Variants in NRXN3 observed in about 807,000 individuals in gnomAD.
NRXN3 encodes the protein neurexin III.
Under a neutral mutation model 137.6 loss-of-function variants are expected in NRXN3, and 32 were observed. The ratio of observed to expected loss-of-function variants is 0.23; its 90% CI spans 0.18 to 0.31. NRXN3 has a LOEUF of 0.31. Ranked by LOEUF, NRXN3 falls within the 10% of genes least tolerant of loss-of-function variation. The pLI is 1.00. For missense variants in NRXN3, 1,574 were observed against 2,062.5 expected (o/e 0.76, Z 4.59); for synonymous variants, 798 against 784.5 (o/e 1.02, Z -0.29).
At chr14:79,790,829 C>A (rs1603503291) in intron 19 of NRXN3, among the ~76,000 whole-genome samples, 1 of 152,082 alleles carries the variant, frequency 6.6e-6, no homozygotes, top group East Asian at 1.9e-4. Flanking sequence ...CCATCTTGGC[C>A]AGGTGGGTCT....
intron 17 of NRXN3, among the ~76,000 whole-genome samples, chr14:79,666,203 A>G (rs2098556491): frequency 6.6e-6 from 1 of 151,992 alleles, no homozygotes. Flanking sequence ...TTTCTTCCCA[A>G]ATTCTCATTT....
chr14:78,205,969 G>T (rs2062146282), intron 1 of NRXN3, among the ~76,000 whole-genome samples: 1 of 152,182 alleles, frequency 6.6e-6, no homozygotes, highest in Non-Finnish European at 1.5e-5. Context: ...AAAGGGGTAG[G>T]CAGGCAGAAG....
intron 16 of NRXN3, among the ~76,000 whole-genome samples, chr14:79,579,892 C>T: frequency 6.6e-6 from 1 of 152,164 alleles, no homozygotes; most frequent in East Asian, 1.9e-4. Context: ...AAACCTTCTT[C>T]TAACTGTATG....
intron 4 of NRXN3, among the ~76,000 whole-genome samples, chr14:78,607,569 C>T (rs1019142387): frequency 1.3e-5 from 2 of 152,152 alleles, no homozygotes; most frequent in Non-Finnish European, 2.9e-5. Flanking sequence ...TTGCCTGGTG[C>T]TGTGCTAGAG....
At chr14:79,384,434 C>A (rs1233081364) in intron 15 of NRXN3, among the ~76,000 whole-genome samples, 1 of 152,106 alleles carries the variant, frequency 6.6e-6, no homozygotes, top group East Asian at 1.9e-4. Flanking sequence ...GAAATCCACT[C>A]TTTCTAAATG....
At chr14:78,420,005 G>A (rs2093369564) in intron 4 of NRXN3, among the ~76,000 whole-genome samples, 1 of 149,400 alleles carries the variant, frequency 6.7e-6, no homozygotes, top group African/African-American at 2.5e-5. Flanking sequence ...CTGACTACCA[G>A]TGATAATAAT....
At chr14:79,306,066 A>C (rs768713621) in intron 15 of NRXN3, among the ~76,000 whole-genome samples, 1 of 152,124 alleles carries the variant, frequency 6.6e-6, no homozygotes, top group Non-Finnish European at 1.5e-5. Context: ...CATCATTGAA[A>C]TGAGCATGTG....
chr14:79,192,706 C>T lies in NRXN3; in HGVS notation c.3262+204565C>T, dbSNP rs189869456. Reference sequence around the variant, plus strand: ...CTGTGTGCAAAGTTTGTCACTGGGACGAATAAGGTTGACACTCTCAGAGAA... The same window carrying T: ...CTGTGTGCAAAGTTTGTCACTGGGATGAATAAGGTTGACACTCTCAGAGAA... On this transcript the variant is annotated intron_variant, in intron 15 of 20. Transcript: ENST00000335750. Among the ~76,000 whole-genome samples the T allele has an allele frequency of 2.6e-4, 39 of 150,760 alleles. 1 individual carries two copies. The highest frequency in any genetic ancestry group is 3.5e-3 in the Middle Eastern group (1 of 288).
chr14:78,300,775 A>T, intron 4 of NRXN3: 1 of 891,010 alleles, frequency 1.1e-6, no homozygotes, highest in South Asian at 1.5e-5. Context: ...GTCGATTCTG[A>T]ATACAGTCCA....
chr14:79,174,909 G>A (rs2062154581), intron 15 of NRXN3, among the ~76,000 whole-genome samples: 1 of 151,874 alleles, frequency 6.6e-6, no homozygotes, highest in Admixed American at 6.6e-5. Flanking sequence ...GGGGAATATG[G>A]AATGGGGAAA....
At chr14:78,920,302 G>A (rs187587667) in intron 10 of NRXN3, among the ~76,000 whole-genome samples, 32 of 152,276 alleles carry the variant, frequency 2.1e-4, no homozygotes, top group South Asian at 6.2e-4. Flanking sequence ...CACCTTGATC[G>A]AAGCAAGTCA....
At chr14:79,389,728 G>A (rs1011996133) in intron 15 of NRXN3, among the ~76,000 whole-genome samples, 2 of 152,128 alleles carry the variant, frequency 1.3e-5, no homozygotes, top group African/African-American at 4.8e-5. Context: ...ATATGAGAAG[G>A]TTCAAGGACT....
At chr14:78,369,527 G>A (rs1299425966) in intron 4 of NRXN3, among the ~76,000 whole-genome samples, 1 of 152,090 alleles carries the variant, frequency 6.6e-6, no homozygotes, top group Non-Finnish European at 1.5e-5. Context: ...AACTTATTCT[G>A]TGTGTTCCTT....
chr14:79,610,997 G>A (rs534819617), intron 16 of NRXN3, among the ~76,000 whole-genome samples: 1 of 152,098 alleles, frequency 6.6e-6, no homozygotes, highest in Non-Finnish European at 1.5e-5. Flanking sequence ...TTTCTACTTG[G>A]GCATAGTCAG....
chr14:79,794,089 A>G (rs2110433), intron 19 of NRXN3, among the ~76,000 whole-genome samples: 88,922 of 152,030 alleles, frequency 0.58, 26,365 homozygotes, highest in Middle Eastern at 0.74. Context: ...TCCTAGAGAG[A>G]ACAGGTGGCT....
intron 16 of NRXN3, among the ~76,000 whole-genome samples, chr14:79,618,965 A>T (rs1244352133): frequency 6.6e-6 from 1 of 151,952 alleles, no homozygotes; most frequent in Non-Finnish European, 1.5e-5. Flanking sequence ...AGTGATATTG[A>T]TCACTTTTTC....
At chr14:78,199,493 A>G (rs1347530212) in intron 1 of NRXN3, among the ~76,000 whole-genome samples, 1 of 152,188 alleles carries the variant, frequency 6.6e-6, no homozygotes, top group African/African-American at 2.4e-5. Context: ...CTGTGAACAG[A>G]TCTGTAAGGT....
intron 10 of NRXN3, among the ~76,000 whole-genome samples, chr14:78,925,705 T>G (rs183421173): frequency 4.6e-5 from 7 of 152,290 alleles, no homozygotes; most frequent in Admixed American, 3.3e-4. Context: ...ACCAATGAGA[T>G]GATTCACAGC....
At chr14:79,786,985 T>C (rs2099131275) in intron 19 of NRXN3, among the ~76,000 whole-genome samples, 1 of 152,220 alleles carries the variant, frequency 6.6e-6, no homozygotes, top group Non-Finnish European at 1.5e-5. Flanking sequence ...GCGCTAAGGC[T>C]ATTTGAAAGG....
Sources: gnomAD v4.1 joint callset for allele counts (sites outside exome capture counted in the v4.1 genomes callset) on GRCh38, gnomAD v4.1.1 for gene constraint, MANE v1.5 for transcripts, NCBI Gene and HGNC (gene_info 2026-07-23, HGNC 2026-07-21) for gene names.